The following TINAG variants were observed in gnomAD, a reference collection of about 807,000 sequenced individuals.
TINAG encodes the protein tubulointerstitial nephritis antigen.
TINAG carries 83 observed loss-of-function variants against 72.7 expected under a neutral mutation model. The observed-to-expected ratio is 1.14, with a 90% confidence interval of 0.96 to 1.37. The LOEUF (loss-of-function observed/expected upper bound fraction) is 1.37, where lower values mean the gene tolerates loss of function less well. Ranked by LOEUF, TINAG falls within the 40% of genes most tolerant of loss-of-function variation. The probability of loss-of-function intolerance (pLI) is 0.00; values close to 1 mark genes in which losing one functional copy is unlikely to be tolerated. For synonymous variants in TINAG, 234 were observed against 189.9 expected, an observed-to-expected ratio of 1.23 and a Z score of -1.91; for missense variants, 685 against 576.6, an observed-to-expected ratio of 1.19 and a Z score of -1.93.
In TINAG at chr6:54,322,314, AC is replaced by A. The variant is rs555175400; in HGVS notation, c.509+929del. Among the ~76,000 whole-genome samples, 563 of 150,076 alleles carry A rather than the reference AC, an allele frequency of 3.8e-3. 6 individuals carry two copies. The highest frequency in any genetic ancestry group is 0.013 in the African/African-American group (535 of 40,022). On this transcript the variant is annotated intron_variant, in intron 3 of 10. Transcript: ENST00000259782. ...CGGGGGGTGAAACCCTGTCAAAAAA[AC>A]AAAACAAAACAAACAAACAAAAAAA...
chr6:54,384,265 A>T (rs1221858567), intron 10 of TINAG, among the ~76,000 whole-genome samples: 1 of 152,074 alleles, frequency 6.6e-6, no homozygotes, highest in East Asian at 1.9e-4. Context: ...TGATGAGTTG[A>T]TGGGTGCAGA....
chr6:54,375,937 G>A (rs535167911), intron 9 of TINAG, among the ~76,000 whole-genome samples: 25 of 152,124 alleles, frequency 1.6e-4, no homozygotes, highest in Admixed American at 3.9e-4. Context: ...TAAATGCCAC[G>A]TCTGGTAACC....
chr6:54,321,409 T>A (rs1280893446), intron 3 of TINAG, 23 bp downstream of exon 3: 1 of 1,546,446 alleles, frequency 6.5e-7, no homozygotes, highest in Admixed American at 1.7e-5. Context: ...TTGCTTTGTA[T>A]GTTTCTTGAC....
At chr6:54,351,205 A>G (rs995349027) in intron 7 of TINAG, 147 bp from the exon 8 acceptor site, 8 of 643,330 alleles carry the variant, frequency 1.2e-5, no homozygotes, top group Admixed American at 3.4e-5. Flanking sequence ...TCTTGTCTTT[A>G]ACAATTTCAT....
intron 9 of TINAG, among the ~76,000 whole-genome samples, chr6:54,356,242 A>G (rs1472950803): frequency 1.3e-5 from 2 of 151,960 alleles, no homozygotes; most frequent in Non-Finnish European, 1.5e-5. Context: ...ATAGTAAAAA[A>G]TACCAAATCA....
Position 54,354,582 on chromosome 6 carries a change from A to C in TINAG, c.1196A>C (p.Asn399Thr). ...TGIYRHVTST[N>T]KESEKYRKLQ... Reference sequence around the variant, plus strand: ...ATATACAGACATGTTACCAGCACAAATAAAGAATCAGAAAAATATCGAAAG... The same window carrying C: ...ATATACAGACATGTTACCAGCACAACTAAAGAATCAGAAAAATATCGAAAG... The change falls in exon 9 of 11, where the codon AAT (asparagine) becomes ACT (threonine). Residue 399 changes from asparagine to threonine, a missense_variant. Asn to Thr is a moderately conservative substitution (Grantham distance 65). Coordinates refer to ENST00000259782, the MANE Select transcript of TINAG (RefSeq NM_014464.4). 1 of 1,611,080 alleles carries C rather than the reference A, an allele frequency of 6.2e-7. No individual in the cohort carries two copies. The highest frequency in any genetic ancestry group is 1.3e-5 in the African/African-American group (1 of 74,820).
intron 9 of TINAG, among the ~76,000 whole-genome samples, chr6:54,372,053 A>G (rs987428355): frequency 3.2e-5 from 4 of 126,354 alleles, no homozygotes; most frequent in African/African-American, 1.2e-4. Context: ...GTACAATGGC[A>G]TGATCTGGGC....
At chr6:54,319,738 C>G (rs1053727994) in intron 1 of TINAG, among the ~76,000 whole-genome samples, 21 of 152,038 alleles carry the variant, frequency 1.4e-4, no homozygotes, top group African/African-American at 5.1e-4. Flanking sequence ...GGTTAAAATT[C>G]ATTTTGTTTA....
At chr6:54,372,727 C>CATACATAT (rs1554209119) in intron 9 of TINAG, among the ~76,000 whole-genome samples, 17 of 133,950 alleles carry the variant, frequency 1.3e-4, no homozygotes, top group Admixed American at 1.2e-3. Context: ...TAAATACATA[C>CATACATAT]ATATATATAT....
chr6:54,315,117 T>C (rs1784342576), intron 1 of TINAG, among the ~76,000 whole-genome samples: 2 of 152,172 alleles, frequency 1.3e-5, no homozygotes, highest in Non-Finnish European at 2.9e-5. Flanking sequence ...AAAGCAACTT[T>C]CCTCTGAGAT....
At chr6:54,336,509 T>C (rs889612353) in intron 4 of TINAG, among the ~76,000 whole-genome samples, 1 of 152,190 alleles carries the variant, frequency 6.6e-6, no homozygotes, top group Non-Finnish European at 1.5e-5. Context: ...CTTCCAGACA[T>C]AATGTTCAAG....
At chr6:54,381,127 TATATATACACAC>T (rs1202658472) in intron 10 of TINAG, among the ~76,000 whole-genome samples, 1 of 149,914 alleles carries the variant, frequency 6.7e-6, no homozygotes, top group Non-Finnish European at 1.5e-5. Flanking sequence ...ACCTACAGGA[TATATATACACAC>T]ATATGTGTAT....
chr6:54,388,677 T>G (rs1764167254), intron 10 of TINAG, among the ~76,000 whole-genome samples: 1 of 152,084 alleles, frequency 6.6e-6, no homozygotes, highest in Non-Finnish European at 1.5e-5. Flanking sequence ...CCTTTGGCCT[T>G]CATGATATTC....
intron 9 of TINAG, among the ~76,000 whole-genome samples, chr6:54,359,749 A>G (rs941861377): frequency 2.0e-5 from 3 of 151,862 alleles, no homozygotes; most frequent in Admixed American, 1.3e-4. Context: ...AAAAATCTTA[A>G]GTCACCTGAG....
chr6:54,356,171 T>C (rs1416798499), intron 9 of TINAG, among the ~76,000 whole-genome samples: 1 of 151,870 alleles, frequency 6.6e-6, no homozygotes, highest in Non-Finnish European at 1.5e-5. Context: ...TTTTAAAAAG[T>C]GTATCATTTT....
chr6:54,380,878 C>T (rs1173406390), intron 10 of TINAG, among the ~76,000 whole-genome samples: 1 of 150,294 alleles, frequency 6.7e-6, no homozygotes, highest in East Asian at 2.0e-4. Flanking sequence ...ATCAAACTTC[C>T]CTCATATATA....
rs34091915 is a variant in TINAG, at chr6:54,358,534, C to CAA, written c.1250+3914_1250+3915dup. 2.8e-3 allele frequency among the ~76,000 whole-genome samples: 313 copies of CAA among 112,926 alleles called. 2 individuals are homozygous for CAA. Among genetic ancestry groups the CAA allele is most frequent in the East Asian group, 0.012 (50 of 4,068 alleles). 74.1% of individuals were successfully genotyped at this position (112,926 alleles called of 152,430 possible). ...ATATTTACATGGAGAAGTTATTCGT[C>CAA]AAAAAAAAAAAAAAAAAGATTAGGG... On this transcript the variant is annotated intron_variant, in intron 9 of 10. Coordinates refer to ENST00000259782, the MANE Select transcript of TINAG (RefSeq NM_014464.4).
rs773343868 is a variant in TINAG at position 54,308,574 on chromosome 6, A to C, written c.24A>C (p.Leu8Phe). The stretch of plus-strand genomic sequence containing the variant: ...GAATGTGGACCGGATATAAGATCTT[A>C]ATCTTCTCTTATCTTACTACAGAAA... MWTGYKI[L>F]IFSYLTTEIW... is the part of the protein sequence containing the mutation. Residue 8 changes from leucine to phenylalanine, a missense_variant, in exon 1 of 11, where the codon TTA (leucine) becomes TTC (phenylalanine). Coordinates refer to ENST00000259782, the MANE Select transcript of TINAG (RefSeq NM_014464.4). The C allele has an allele frequency of 6.2e-7, 1 of 1,612,362 alleles. No homozygotes were observed. The highest frequency in any genetic ancestry group is 8.5e-7 in the Non-Finnish European group (1 of 1,179,398).
intron 10 of TINAG, among the ~76,000 whole-genome samples, chr6:54,385,226 G>A (rs75750240): frequency 6.6e-6 from 1 of 151,882 alleles, no homozygotes; most frequent in African/African-American, 2.4e-5. Flanking sequence ...GCAAAGAGTT[G>A]ATGCTTTGCA....
Sources: allele counts gnomAD v4.1 joint callset (sites outside exome capture counted in the v4.1 genomes callset), GRCh38; gene constraint gnomAD v4.1.1; transcripts MANE v1.5; gene names NCBI Gene and HGNC (gene_info 2026-07-23, HGNC 2026-07-21).